Variants in GOLIM4 observed in about 807,000 individuals in gnomAD.
GOLIM4 encodes the protein 130 kDa golgi-localized phosphoprotein.
Under a neutral mutation model 107.4 loss-of-function variants are expected in GOLIM4, and 71 were observed. The observed-to-expected ratio is 0.66, with a 90% CI of 0.55 to 0.81. The LOEUF (loss-of-function observed/expected upper bound fraction) is 0.81. GOLIM4 is among the 30% of genes least tolerant of loss of function. The pLI is 0.00. For synonymous variants in GOLIM4, 327 were observed against 294.8 expected, an observed-to-expected ratio of 1.11 and a Z score of -1.12; for missense variants, 830 against 826.1, an observed-to-expected ratio of 1.00 and a Z score of -0.06.
At position 168,009,140 on chromosome 3, in the gene GOLIM4, T is replaced by C. The variant is rs534399826; in HGVS notation, c.*1129A>G. On this transcript the variant is annotated 3_prime_UTR_variant, in exon 16 of 16. Transcript: ENST00000470487. Reference sequence around the variant, plus strand: ...TACTCCAAGGGAAGTTTCTGATTTTTAATTTTCTTATTTTAAGGAATCTAT... The same window carrying C: ...TACTCCAAGGGAAGTTTCTGATTTTCAATTTTCTTATTTTAAGGAATCTAT... 5 of 152,174 alleles carry C rather than the reference T, an allele frequency of 3.3e-5. No homozygotes were observed. The East Asian group carries it at 9.6e-4, about 29-fold the overall frequency. The allele number at this position is 152,174 out of a possible 1,614,324, so 9.4% of individuals were successfully genotyped here.
At chr3:168,083,673 T>A (rs903470822) in intron 1 of GOLIM4, among the ~76,000 whole-genome samples, 1 of 152,218 alleles carries the variant, frequency 6.6e-6, no homozygotes, top group Non-Finnish European at 1.5e-5. Flanking sequence ...TTTAGCACAG[T>A]GGTTGGTACC....
chr3:168,016,993 G>A (rs1166189582), intron 14 of GOLIM4, among the ~76,000 whole-genome samples: 1 of 150,586 alleles, frequency 6.6e-6, no homozygotes, highest in Admixed American at 6.6e-5. Context: ...GTATACATAT[G>A]TAACTAACCT....
intron 1 of GOLIM4, among the ~76,000 whole-genome samples, chr3:168,076,428 T>C: frequency 6.6e-6 from 1 of 152,218 alleles, no homozygotes; most frequent in Non-Finnish European, 1.5e-5. Flanking sequence ...GCATGGTGGC[T>C]CACGCCTGTA....
At chr3:168,075,549 C>T (rs1721043551) in intron 1 of GOLIM4, among the ~76,000 whole-genome samples, 1 of 151,860 alleles carries the variant, frequency 6.6e-6, no homozygotes, top group African/African-American at 2.4e-5. Flanking sequence ...CCGCCTGCCT[C>T]GGCCTCCCAA....
intron 9 of GOLIM4, 144 bp downstream of exon 9, chr3:168,032,376 A>C: frequency 1.4e-6 from 1 of 698,174 alleles, no homozygotes; most frequent in East Asian, 2.5e-5. Flanking sequence ...ACATTACAAG[A>C]GAAAACTTAA....
chr3:168,080,278 T>C (rs1413484539), intron 1 of GOLIM4, among the ~76,000 whole-genome samples: 1 of 152,190 alleles, frequency 6.6e-6, no homozygotes, highest in Non-Finnish European at 1.5e-5. Flanking sequence ...CTCTTAAATA[T>C]CTGGTAGCCC....
At chr3:168,082,489 C>T (rs143586285) in intron 1 of GOLIM4, among the ~76,000 whole-genome samples, 115 of 152,216 alleles carry the variant, frequency 7.6e-4, no homozygotes, top group African/African-American at 2.6e-3. Context: ...GTAGCTTCTG[C>T]TCCCTTGGAC....
intron 5 of GOLIM4, among the ~76,000 whole-genome samples, 156 bp from the exon 6 acceptor site, chr3:168,041,630 T>C (rs748616941): frequency 2.0e-5 from 3 of 152,196 alleles, no homozygotes; most frequent in Non-Finnish European, 2.9e-5. Flanking sequence ...GATATTGTAT[T>C]GGGATGTAGC....
intron 1 of GOLIM4, among the ~76,000 whole-genome samples, chr3:168,083,216 A>G (rs1441475575): frequency 6.6e-6 from 1 of 152,216 alleles, no homozygotes; most frequent in Non-Finnish European, 1.5e-5. Flanking sequence ...GAACAAGTTG[A>G]AATTACCAGT....
At chr3:168,056,430 CCTA>C (rs895912351) in intron 1 of GOLIM4, among the ~76,000 whole-genome samples, 1 of 152,152 alleles carries the variant, frequency 6.6e-6, no homozygotes, top group Non-Finnish European at 1.5e-5. Flanking sequence ...AAACAGAGTC[CCTA>C]CTGGGGAGAA....
At chr3:168,092,451 T>G (rs1397404363) in intron 1 of GOLIM4, among the ~76,000 whole-genome samples, 2 of 152,210 alleles carry the variant, frequency 1.3e-5, no homozygotes, top group African/African-American at 2.4e-5. Context: ...GTAACCCACT[T>G]TCAAAGGAAT....
At chr3:168,030,790 A>G (rs1310079287) in intron 9 of GOLIM4, among the ~76,000 whole-genome samples, 1 of 152,192 alleles carries the variant, frequency 6.6e-6, no homozygotes, top group African/African-American at 2.4e-5. Context: ...GCCAATATGA[A>G]AAACAGTATG....
chr3:168,045,905 T>C (rs1719273402), intron 3 of GOLIM4, among the ~76,000 whole-genome samples: 1 of 152,202 alleles, frequency 6.6e-6, no homozygotes, highest in African/African-American at 2.4e-5. Context: ...TATTTTGAGA[T>C]AGGGTCTGCC....
intron 1 of GOLIM4, among the ~76,000 whole-genome samples, chr3:168,092,179 A>G (rs925251047): frequency 2.0e-5 from 3 of 152,238 alleles, no homozygotes; most frequent in Admixed American, 2.0e-4. Flanking sequence ...TTTAAAGGTT[A>G]TATAAACACT....
chr3:168,073,559 A>G (rs1048189988), intron 1 of GOLIM4, among the ~76,000 whole-genome samples: 1 of 152,194 alleles, frequency 6.6e-6, no homozygotes, highest in Non-Finnish European at 1.5e-5. Context: ...TTTTTGTATT[A>G]AAGGTCCTTA....
At chr3:168,020,852 A>G (rs1004459746) in intron 14 of GOLIM4, among the ~76,000 whole-genome samples, 1 of 152,250 alleles carries the variant, frequency 6.6e-6, no homozygotes, top group South Asian at 2.1e-4. Context: ...AGTAATGTAA[A>G]GGAACAAAAT....
chr3:168,021,800 G>C (rs1717704112), intron 14 of GOLIM4, among the ~76,000 whole-genome samples: 1 of 152,166 alleles, frequency 6.6e-6, no homozygotes. Context: ...ATTCTCTTCT[G>C]CATGTTCAGA....
chr3:168,011,490 C>T (rs111531483), intron 14 of GOLIM4, among the ~76,000 whole-genome samples: 7,249 of 151,978 alleles, frequency 0.048, 229 homozygotes, highest in Middle Eastern at 0.082. Flanking sequence ...ATTGCCCAGG[C>T]TTGATTAGGT....
intron 1 of GOLIM4, among the ~76,000 whole-genome samples, chr3:168,078,260 CA>C (rs1721167675): frequency 6.6e-6 from 1 of 152,012 alleles, no homozygotes; most frequent in Non-Finnish European, 1.5e-5. Context: ...TTTGTTTACA[CA>C]AATATTTTGT....
Sources: gnomAD v4.1 joint callset for allele counts (sites outside exome capture counted in the v4.1 genomes callset) on GRCh38, gnomAD v4.1.1 for gene constraint, MANE v1.5 for transcripts, NCBI Gene and HGNC (gene_info 2026-07-23, HGNC 2026-07-21) for gene names.